Variants in ANO10 observed in about 807,000 individuals in gnomAD.
The protein encoded by ANO10 is anoctamin 10.
ANO10 carries 77 observed loss-of-function variants against 74.7 expected under a neutral mutation model. That is an observed-to-expected ratio of 1.03 (90% CI 0.86 to 1.25). ANO10 has a LOEUF of 1.25. ANO10 is among the 50% of genes most tolerant of loss of function. The pLI is 0.00. For missense variants in ANO10, 721 were observed against 778.1 expected, an observed-to-expected ratio of 0.93 and a Z score of 0.87; for synonymous variants, 279 against 284.9, an observed-to-expected ratio of 0.98 and a Z score of 0.21.
At chr3:43,669,431 C>T (rs917721891) in intron 1 of ANO10, among the ~76,000 whole-genome samples, 1 of 152,112 alleles carries the variant, frequency 6.6e-6, no homozygotes, top group African/African-American at 2.4e-5. Context: ...GAATTGTTCA[C>T]ATTGAGTCTC....
intron 1 of ANO10, among the ~76,000 whole-genome samples, chr3:43,655,909 C>T (rs1308237938): frequency 8.0e-5 from 8 of 99,616 alleles, no homozygotes. Context: ...AAACCCTGAG[C>T]TAGACACAGG....
chr3:43,397,782 TC>T, intron 12 of ANO10, among the ~76,000 whole-genome samples: 1 of 152,262 alleles, frequency 6.6e-6, no homozygotes, highest in South Asian at 2.1e-4. Flanking sequence ...TGCTGTGGCC[TC>T]CCCAGACTCT....
chr3:43,449,516 T>TC (rs1169899976), intron 11 of ANO10, among the ~76,000 whole-genome samples: 2 of 3,806 alleles, frequency 5.3e-4, no homozygotes, highest in East Asian at 9.1e-3. Context: ...ATCTAGATTC[T>TC]TTTTTTTTTT....
intron 11 of ANO10, among the ~76,000 whole-genome samples, chr3:43,450,323 CTGAGG>C (rs1559556149): frequency 6.6e-6 from 1 of 152,038 alleles, no homozygotes; most frequent in Non-Finnish European, 1.5e-5. Context: ...GGCAGAAGAC[CTGAGG>C]TCAGGAGTTT....
At chr3:43,455,793 C>CT (rs147443767) in intron 11 of ANO10, among the ~76,000 whole-genome samples, 4,970 of 148,344 alleles carry the variant, frequency 0.034, 265 homozygotes, top group African/African-American at 0.11. Context: ...GGTTACAAAC[C>CT]TTTTTTTTTT....
chr3:43,684,165 T>G (rs1241576393), intron 1 of ANO10, among the ~76,000 whole-genome samples: 1 of 151,934 alleles, frequency 6.6e-6, no homozygotes, highest in Non-Finnish European at 1.5e-5. Context: ...GGGAGAAAAT[T>G]TTTGCAATCT....
chr3:43,443,703 G>A (rs561615748), intron 11 of ANO10, among the ~76,000 whole-genome samples: 13 of 98,102 alleles, frequency 1.3e-4, no homozygotes, highest in East Asian at 5.5e-4. Flanking sequence ...TTTTTTTGAC[G>A]GAGTTTCACT....
chr3:43,619,150 G>A (rs918216632), intron 1 of ANO10, among the ~76,000 whole-genome samples: 2 of 152,206 alleles, frequency 1.3e-5, no homozygotes, highest in African/African-American at 4.8e-5. Context: ...TATAGAAAAG[G>A]AAGATAAATA....
At chr3:43,498,307 T>C (rs2076984496) in intron 11 of ANO10, among the ~76,000 whole-genome samples, 1 of 152,182 alleles carries the variant, frequency 6.6e-6, no homozygotes, top group Non-Finnish European at 1.5e-5. Context: ...ATATTTCTAA[T>C]GCCTCCCCAG....
chr3:43,683,369 C>G (rs1006700125), intron 1 of ANO10, among the ~76,000 whole-genome samples: 4 of 152,142 alleles, frequency 2.6e-5, no homozygotes, highest in Non-Finnish European at 4.4e-5. Flanking sequence ...GTCCAACTTA[C>G]AAAGGACATG....
intron 1 of ANO10, among the ~76,000 whole-genome samples, chr3:43,680,349 A>G (rs2084178203): frequency 6.6e-6 from 1 of 152,226 alleles, no homozygotes; most frequent in Non-Finnish European, 1.5e-5. Flanking sequence ...ATTGAAGATC[A>G]AATGAATGAA....
At chr3:43,592,097 T>G (rs566681419) in intron 4 of ANO10, among the ~76,000 whole-genome samples, 1 of 152,046 alleles carries the variant, frequency 6.6e-6, no homozygotes, top group Admixed American at 6.5e-5. Flanking sequence ...CAAAGCAGCC[T>G]GGAAGCTCGA....
intron 1 of ANO10, among the ~76,000 whole-genome samples, chr3:43,660,535 C>T (rs1049190113): frequency 2.0e-5 from 3 of 151,962 alleles, no homozygotes; most frequent in Non-Finnish European, 2.9e-5. Flanking sequence ...AGCAAGAAGA[C>T]AAGATTAGAG....
chr3:43,608,882 G>A (rs2082683546), intron 1 of ANO10, among the ~76,000 whole-genome samples: 1 of 152,146 alleles, frequency 6.6e-6, no homozygotes. Context: ...GCCTGGCCAA[G>A]AGTGTTAAGA....
intron 1 of ANO10, among the ~76,000 whole-genome samples, chr3:43,682,484 C>A (rs1261917012): frequency 6.6e-6 from 1 of 152,102 alleles, no homozygotes; most frequent in Non-Finnish European, 1.5e-5. Flanking sequence ...GATTCACAGC[C>A]GAATTCTACC....
At chr3:43,367,131 T>A (rs2091439090) in intron 12 of ANO10, among the ~76,000 whole-genome samples, 157 bp from the exon 13 acceptor site, 1 of 152,162 alleles carries the variant, frequency 6.6e-6, no homozygotes, top group Non-Finnish European at 1.5e-5. Flanking sequence ...GGTCTGACTC[T>A]GAGGAGATGG....
At chr3:43,456,532 G>A (rs78549154) in intron 11 of ANO10, among the ~76,000 whole-genome samples, 4,131 of 152,286 alleles carry the variant, frequency 0.027, 80 homozygotes, top group Non-Finnish European at 0.038. Context: ...GGATATCTAC[G>A]TAGCAGTCAG....
At chr3:43,538,186 T>C (rs901187584) in intron 11 of ANO10, among the ~76,000 whole-genome samples, 8 of 152,226 alleles carry the variant, frequency 5.3e-5, no homozygotes, top group African/African-American at 1.4e-4. Context: ...AAGTGAAATT[T>C]GACGTAGCAT....
intron 11 of ANO10, among the ~76,000 whole-genome samples, chr3:43,510,275 C>A (rs377101760): frequency 6.6e-6 from 1 of 151,904 alleles, no homozygotes; most frequent in African/African-American, 2.4e-5. Context: ...ACTAAAAATA[C>A]AAAAAGTTAG....
Sources: allele counts gnomAD v4.1 joint callset (sites outside exome capture counted in the v4.1 genomes callset), GRCh38; gene constraint gnomAD v4.1.1; transcripts MANE v1.5; gene names NCBI Gene and HGNC (gene_info 2026-07-23, HGNC 2026-07-21).